PCCB: variants seen among roughly 807,000 people sequenced by gnomAD.
PCCB encodes propionyl-CoA carboxylase subunit beta.
Under a neutral mutation model 60.7 loss-of-function variants are expected in PCCB, and 43 were observed. The observed-to-expected ratio is 0.71, with a 90% CI of 0.55 to 0.91. The LOEUF (loss-of-function observed/expected upper bound fraction) is 0.91. PCCB is among the 40% of genes least tolerant of loss of function. The probability of loss-of-function intolerance (pLI) is 0.00; values close to 1 mark genes in which losing one functional copy is unlikely to be tolerated. For missense variants in PCCB, 766 were observed against 702.8 expected (o/e 1.09, Z -1.02); for synonymous variants, 276 against 255.9 (o/e 1.08, Z -0.75).
At chr3:136,273,993 C>G (rs974903751) in intron 5 of PCCB, among the ~76,000 whole-genome samples, 4 of 151,540 alleles carry the variant, frequency 2.6e-5, no homozygotes, top group South Asian at 2.1e-4. Context: ...CTCTTTCCCC[C>G]CCTTTACCTT....
At chr3:136,291,738 T>C (rs1326926985) in intron 6 of PCCB, among the ~76,000 whole-genome samples, 5 of 152,210 alleles carry the variant, frequency 3.3e-5, no homozygotes, top group Non-Finnish European at 7.3e-5. Flanking sequence ...TAGTTTTGCC[T>C]GAGAGAAGAC....
intron 4 of PCCB, among the ~76,000 whole-genome samples, chr3:136,261,137 T>C (rs543263596): frequency 1.3e-5 from 2 of 152,340 alleles, no homozygotes; most frequent in East Asian, 3.9e-4. Context: ...AAGAACCTCT[T>C]GTCTAGGTGG....
chr3:136,271,615 CA>C (rs1486831577), intron 5 of PCCB, among the ~76,000 whole-genome samples: 5 of 152,036 alleles, frequency 3.3e-5, no homozygotes, highest in African/African-American at 1.2e-4. Flanking sequence ...TTATTTTTTG[CA>C]GCTGTTGTAA....
At chr3:136,271,201 G>T (rs1264854653) in intron 5 of PCCB, among the ~76,000 whole-genome samples, 1 of 152,080 alleles carries the variant, frequency 6.6e-6, no homozygotes, top group Non-Finnish European at 1.5e-5. Context: ...GCCTGGGCCA[G>T]TGTTCAGAAG....
intron 14 of PCCB, among the ~76,000 whole-genome samples, chr3:136,329,547 C>T (rs1935462773): frequency 6.6e-6 from 1 of 152,194 alleles, no homozygotes; most frequent in Non-Finnish European, 1.5e-5. Flanking sequence ...AGTCACATTG[C>T]AGGACTTGTG....
chr3:136,293,997 A>G (rs993246607), intron 7 of PCCB, 133 bp downstream of exon 7: 6 of 680,060 alleles, frequency 8.8e-6, no homozygotes, highest in African/African-American at 1.8e-5. Context: ...GGTACAGTCT[A>G]TTGTACTACA....
rs1560019091 is a variant in PCCB at position 136,299,752 on chromosome 3, ATGTGTGTGTATGTATAGGTATGCATGTG to A, written c.885-1276_885-1249del. Among the ~76,000 whole-genome samples the A allele has an allele frequency of 1.7e-4, 26 of 148,820 alleles. 1 individual carries two copies. The highest frequency in any genetic ancestry group is 6.0e-4 in the East Asian group (3 of 4,966). On this transcript the variant is annotated intron_variant, in intron 8 of 14. Coordinates refer to ENST00000251654, the MANE Select transcript of PCCB (RefSeq NM_000532.5). ...TATGCATGTGTATGTATAGGTATGC[ATGTGTGTGTATGTATAGGTATGCATGTG>A]TATGTATGTATATGCATGTGTATGT...
chr3:136,290,216 CAGG>C (rs979229063), intron 6 of PCCB, among the ~76,000 whole-genome samples: 14 of 152,236 alleles, frequency 9.2e-5, no homozygotes, highest in Admixed American at 2.0e-4. Flanking sequence ...GGTCTACTGG[CAGG>C]AGATTACCTC....
chr3:136,270,074 G>A (rs1238800415), intron 5 of PCCB, among the ~76,000 whole-genome samples: 2 of 148,690 alleles, frequency 1.3e-5, no homozygotes, highest in African/African-American at 5.0e-5. Flanking sequence ...TTTTTATCAT[G>A]AAGGGTATTT....
At chr3:136,264,254 C>T (rs1037266061) in intron 5 of PCCB, among the ~76,000 whole-genome samples, 2 of 151,822 alleles carry the variant, frequency 1.3e-5, no homozygotes, top group Non-Finnish European at 2.9e-5. Flanking sequence ...TAAAGATATT[C>T]TCTTAAATAA....
chr3:136,300,630 G>A (rs756288628), intron 8 of PCCB, among the ~76,000 whole-genome samples: 7 of 152,196 alleles, frequency 4.6e-5, no homozygotes, highest in Non-Finnish European at 1.0e-4. Flanking sequence ...CTCTGCCTTT[G>A]CATTTCCAAG....
intron 6 of PCCB, among the ~76,000 whole-genome samples, chr3:136,287,857 G>A (rs1290201067): frequency 2.6e-5 from 4 of 152,094 alleles, no homozygotes; most frequent in Admixed American, 6.5e-5. Flanking sequence ...GTCTTGGTGC[G>A]CACATTTTAT....
intron 8 of PCCB, 77 bp downstream of exon 8, chr3:136,298,149 G>T: frequency 6.3e-7 from 1 of 1,594,976 alleles, no homozygotes. Flanking sequence ...GACCCCCAGG[G>T]TCTGCCTTGT....
intron 1 of PCCB, among the ~76,000 whole-genome samples, chr3:136,253,082 GTTTTTT>G (rs59099393): frequency 9.8e-5 from 7 of 71,498 alleles, no homozygotes; most frequent in Admixed American, 6.4e-4. Context: ...AGCAATGGAG[GTTTTTT>G]TTTTTTTTTT....
intron 5 of PCCB, among the ~76,000 whole-genome samples, chr3:136,277,644 A>G (rs952449730): frequency 6.6e-5 from 10 of 152,138 alleles, no homozygotes; most frequent in Non-Finnish European, 1.3e-4. Context: ...GTAATGTTCC[A>G]GAGAGGAATA....
chr3:136,273,578 C>CTTTTTTTTTTTTTTTTTTTTT (rs56936911), intron 5 of PCCB, among the ~76,000 whole-genome samples: 1 of 59,202 alleles, frequency 1.7e-5, no homozygotes, highest in African/African-American at 5.7e-5. Flanking sequence ...CTTTTTCTTT[C>CTTTTTTTTTTTTTTTTTTTTT]TTTTTTTTTT....
At chr3:136,264,887 A>AAG (rs1171136252) in intron 5 of PCCB, among the ~76,000 whole-genome samples, 1 of 148,796 alleles carries the variant, frequency 6.7e-6, no homozygotes, top group African/African-American at 2.5e-5. Flanking sequence ...AAAAAAAAAA[A>AAG]AAAAAAAAGA....
intron 7 of PCCB, among the ~76,000 whole-genome samples, chr3:136,294,073 C>T (rs1167206704): frequency 6.6e-6 from 1 of 152,130 alleles, no homozygotes; most frequent in African/African-American, 2.4e-5. Flanking sequence ...TATTAAATAA[C>T]ACGCTATTAG....
intron 6 of PCCB, among the ~76,000 whole-genome samples, chr3:136,292,620 T>G (rs1184893653): frequency 6.6e-6 from 1 of 152,220 alleles, no homozygotes; most frequent in Non-Finnish European, 1.5e-5. Context: ...AAAACAAATT[T>G]GAGAACAGTG....
Sources: allele counts gnomAD v4.1 joint callset (sites outside exome capture counted in the v4.1 genomes callset), GRCh38; gene constraint gnomAD v4.1.1; transcripts MANE v1.5; gene names NCBI Gene and HGNC (gene_info 2026-07-23, HGNC 2026-07-21).